SNX24: variants seen among roughly 807,000 people sequenced by gnomAD.
SNX24 encodes sorting nexin-24.
A neutral mutation model predicts 28.7 loss-of-function variants in SNX24; 22 were observed. The ratio of observed to expected loss-of-function variants is 0.77; its 90% CI spans 0.55 to 1.10. The LOEUF (loss-of-function observed/expected upper bound fraction) is 1.10. Among genes scored for constraint, SNX24 ranks in the 50% least tolerant of loss-of-function variants. The pLI is 0.00. For missense variants in SNX24, 221 were observed against 201.1 expected (o/e 1.10, Z -0.60); for synonymous variants, 69 against 71.5 (o/e 0.96, Z 0.18).
chr5:123,011,769 C>T (rs1762583864), downstream of SNX24, among the ~76,000 whole-genome samples: 1 of 152,162 alleles, frequency 6.6e-6, no homozygotes, highest in Admixed American at 6.5e-5. Context: ...AATGGTATAA[C>T]TTCTTCAAAA....
intron 1 of SNX24, among the ~76,000 whole-genome samples, chr5:122,918,464 T>A (rs200367877): frequency 6.6e-6 from 1 of 152,344 alleles, no homozygotes; most frequent in East Asian, 1.9e-4. Flanking sequence ...AAAGATAATT[T>A]GCTTTATAAC....
rs148247795 is a variant in SNX24 at position 122,907,433 on chromosome 5, C to G, written c.61-29301C>G. 2.0e-5 allele frequency among the ~76,000 whole-genome samples: 3 copies of G among 152,258 alleles called. No homozygotes were observed. In the East Asian group the frequency reaches 5.8e-4, roughly 29 times the overall value. ...TTAAGGAGTAGAGATAAAAGCCAGA[C>G]GGCCCTCAGGGTAAAGTTTTAGCAT... On this transcript the variant is annotated intron_variant, in intron 1 of 6. Coordinates refer to ENST00000261369, the MANE Select transcript of SNX24 (RefSeq NM_014035.4).
At chr5:122,904,478 C>G (rs1295916995) in intron 1 of SNX24, among the ~76,000 whole-genome samples, 1 of 152,080 alleles carries the variant, frequency 6.6e-6, no homozygotes, top group Admixed American at 6.5e-5. Flanking sequence ...CCACCACTCC[C>G]GGCCTTTTTA....
rs566045838 is a variant in SNX24 at position 122,882,525 on chromosome 5, C to G, written c.60+36832C>G. On this transcript the variant is annotated intron_variant, in intron 1 of 6. Transcript: ENST00000261369. ...TCTAGGCCTTCCGGCCTTGGCACAG[C>G]ACAGAGCTCCTGCCCTCATCTCTTT... Among the ~76,000 whole-genome samples, 43 of 152,366 alleles carry G rather than the reference C, an allele frequency of 2.8e-4. 1 individual carries two copies. The highest frequency in any genetic ancestry group is 9.6e-4 in the African/African-American group (40 of 41,596).
At chr5:123,020,344 A>G (rs926974294) in intron 5 of SNX24, among the ~76,000 whole-genome samples, 2 of 152,254 alleles carry the variant, frequency 1.3e-5, no homozygotes, top group Non-Finnish European at 2.9e-5. Flanking sequence ...ATTTGCATTT[A>G]CTTATGTGAA....
At chr5:122,935,583 T>A (rs1040207572) in intron 1 of SNX24, among the ~76,000 whole-genome samples, 2 of 152,220 alleles carry the variant, frequency 1.3e-5, no homozygotes, top group Non-Finnish European at 2.9e-5. Flanking sequence ...GAAGATTTTG[T>A]TTCTGATTCA....
At chr5:122,942,513 A>G (rs549874858) in intron 2 of SNX24, among the ~76,000 whole-genome samples, 1 of 152,338 alleles carries the variant, frequency 6.6e-6, no homozygotes, top group South Asian at 2.1e-4. Flanking sequence ...ACTTGGGAAA[A>G]GTATTTCTGC....
chr5:122,863,895 G>A (rs557246623), intron 1 of SNX24, among the ~76,000 whole-genome samples: 8 of 151,172 alleles, frequency 5.3e-5, no homozygotes, highest in South Asian at 2.1e-4. Context: ...GCAGAGGAGC[G>A]ACGTGATTCA....
intron 5 of SNX24, among the ~76,000 whole-genome samples, chr5:123,027,840 A>G (rs1456566846): frequency 6.6e-6 from 1 of 152,244 alleles, no homozygotes; most frequent in African/African-American, 2.4e-5. Context: ...GGAGTTACAT[A>G]TATGGTGTAT....
intron 3 of SNX24, among the ~76,000 whole-genome samples, chr5:122,988,309 T>C (rs1761691354): frequency 6.6e-6 from 1 of 152,204 alleles, no homozygotes; most frequent in Admixed American, 6.5e-5. Flanking sequence ...AGAAGTGAAT[T>C]CAAAAACTTG....
At chr5:122,854,027 T>C (rs1226808515) in intron 1 of SNX24, among the ~76,000 whole-genome samples, 1 of 152,014 alleles carries the variant, frequency 6.6e-6, no homozygotes, top group African/African-American at 2.4e-5. Flanking sequence ...GTTTATCTAC[T>C]GAAATTCAGC....
intron 1 of SNX24, among the ~76,000 whole-genome samples, chr5:122,851,772 A>G (rs1485231705): frequency 1.3e-5 from 2 of 152,134 alleles, no homozygotes; most frequent in Non-Finnish European, 2.9e-5. Flanking sequence ...ATTACCTTCA[A>G]TATTTTATAA....
At chr5:122,974,118 T>C (rs1350827498) in intron 3 of SNX24, among the ~76,000 whole-genome samples, 1 of 152,150 alleles carries the variant, frequency 6.6e-6, no homozygotes, top group Non-Finnish European at 1.5e-5. Context: ...TCTTTCTTGG[T>C]TGTAGGAGGG....
At chr5:122,853,157 C>G (rs564736740) in intron 1 of SNX24, among the ~76,000 whole-genome samples, 1 of 102,008 alleles carries the variant, frequency 9.8e-6, no homozygotes, top group African/African-American at 3.7e-5. Flanking sequence ...ACGGATTCTT[C>G]GCTCTGTTGC....
At chr5:123,006,406 G>T (rs1328343157) in intron 6 of SNX24, among the ~76,000 whole-genome samples, 3 of 152,088 alleles carry the variant, frequency 2.0e-5, no homozygotes, top group African/African-American at 7.2e-5. Flanking sequence ...ATTCCTCCAT[G>T]GTTCTCCATC....
At position 122,936,760 on chromosome 5, in the gene SNX24, T is replaced by C. The variant is rs762432095; in HGVS notation, c.87T>C (p.Asn29=). Residue 29 remains asparagine, a synonymous_variant, in exon 2 of 7, where the codon AAT becomes AAC. Transcript: ENST00000261369. ...TGTTTAAGATAGAAGTGCTAATGAA[T>C]GGAAGAAAACATTTTGTTGAAAAGA... The part of the protein sequence containing the change: ...YTVFKIEVLM[N]GRKHFVEKRY... 3 of 1,604,774 alleles carry C rather than the reference T, an allele frequency of 1.9e-6. No individual in the cohort carries two copies. In the East Asian group the frequency reaches 6.7e-5, roughly 36 times the overall value.
intron 1 of SNX24, among the ~76,000 whole-genome samples, chr5:122,859,969 G>A (rs1755380579): frequency 6.6e-6 from 1 of 152,210 alleles, no homozygotes; most frequent in Non-Finnish European, 1.5e-5. Flanking sequence ...AGAGACCAAA[G>A]TTCTTTTGAA....
intron 3 of SNX24, among the ~76,000 whole-genome samples, chr5:122,955,181 G>A (rs559099228): frequency 2.0e-5 from 3 of 151,200 alleles, no homozygotes; most frequent in Non-Finnish European, 4.4e-5. Flanking sequence ...TAAGGTTTTT[G>A]TATCAGTTAT....
At chr5:123,023,938 C>G (rs141117441) in intron 5 of SNX24, 2 of 1,614,040 alleles carry the variant, frequency 1.2e-6, no homozygotes, top group African/African-American at 2.7e-5. Context: ...TGTTGATGAT[C>G]GAGCAGTTGG....
Sources: gnomAD v4.1 joint callset for allele counts (sites outside exome capture counted in the v4.1 genomes callset) on GRCh38, gnomAD v4.1.1 for gene constraint, MANE v1.5 for transcripts, NCBI Gene and HGNC (gene_info 2026-07-23, HGNC 2026-07-21) for gene names.